Variants in NCKAP1 observed in about 807,000 individuals in gnomAD.
NCKAP1 encodes nck-associated protein 1.
A neutral mutation model predicts 151.2 loss-of-function variants in NCKAP1; 21 were observed. The observed-to-expected ratio is 0.14, with a 90% CI of 0.10 to 0.20. The LOEUF (loss-of-function observed/expected upper bound fraction) is 0.20, where lower values mean the gene tolerates loss of function less well. Among genes scored for constraint, NCKAP1 ranks in the 10% least tolerant of loss-of-function variants. The pLI, the probability that NCKAP1 is intolerant of heterozygous loss-of-function variation, is 1.00. For synonymous variants in NCKAP1, 484 were observed against 451.8 expected (o/e 1.07, Z -0.90); for missense variants, 933 against 1,352.1 (o/e 0.69, Z 4.86).
rs1489816575 is a variant in NCKAP1, at chr2:183,026,728, T to C, written c.109-2812A>G. Among the ~76,000 whole-genome samples, 7 of 152,296 alleles carry C rather than the reference T, an allele frequency of 4.6e-5. No homozygotes were observed. In the South Asian group the frequency reaches 1.2e-3, roughly 27 times the overall value. ...CAAAATATCTCCTAACCTATGTTTCTTCGTCTGTAAAATGGGGAAATTAGT... is the reference window on the plus strand; with the variant it reads ...CAAAATATCTCCTAACCTATGTTTCCTCGTCTGTAAAATGGGGAAATTAGT... On this transcript the variant is annotated intron_variant, in intron 1 of 30. Coordinates refer to ENST00000361354, the MANE Select transcript of NCKAP1 (RefSeq NM_013436.5).
intron 10 of NCKAP1, among the ~76,000 whole-genome samples, chr2:182,985,121 A>C (rs1698025481): frequency 3.3e-5 from 5 of 152,212 alleles, no homozygotes; most frequent in Admixed American, 2.6e-4. Flanking sequence ...CAAGTAAATA[A>C]AATATGCATG....
chr2:183,035,209 C>T lies in NCKAP1; in HGVS notation c.108+2783G>A, dbSNP rs191419655. 7.8e-4 allele frequency among the ~76,000 whole-genome samples: 119 copies of T among 152,050 alleles called. 1 individual carries two copies. Among genetic ancestry groups the T allele is most frequent in the African/African-American group, 2.7e-3 (112 of 41,496 alleles). ...CGCTTTTATGTGTTCCTACATCCTC[C>T]GTCAAACTACAAGTTCCCTAAAATT... On this transcript the variant is annotated intron_variant, in intron 1 of 30. Transcript: ENST00000361354.
chr2:182,986,799 C>A (rs897525882), intron 9 of NCKAP1, among the ~76,000 whole-genome samples: 1 of 151,618 alleles, frequency 6.6e-6, no homozygotes, highest in Admixed American at 6.6e-5. Flanking sequence ...ACTTATTTTT[C>A]AAATAAAAAA....
intron 1 of NCKAP1, among the ~76,000 whole-genome samples, chr2:183,025,729 T>C (rs1057346948): frequency 6.6e-6 from 1 of 152,150 alleles, no homozygotes; most frequent in African/African-American, 2.4e-5. Context: ...CCAAATATAA[T>C]AGCTAAGAAT....
chr2:182,991,075 T>C (rs1362909514), intron 8 of NCKAP1, among the ~76,000 whole-genome samples: 2 of 152,206 alleles, frequency 1.3e-5, no homozygotes, highest in Non-Finnish European at 2.9e-5. Flanking sequence ...TCAAGTGAAA[T>C]CAGATTTCAC....
chr2:182,953,167 G>A lies in NCKAP1; in HGVS notation c.2318C>T (p.Thr773Ile). The change falls in exon 21 of 31, where the codon ACA (threonine) becomes ATA (isoleucine). Residue 773 changes from threonine (T) to isoleucine (I), a missense_variant. Thr to Ile is a moderately conservative substitution (Grantham distance 89). Around this residue, in one of 2 missense-constraint regions of NCKAP1, gnomAD observed 326 missense variants for 557.1 expected, o/e 0.59. Transcript: ENST00000361354. ...CTCTCCATGACTGTCTAAATGTTGT[G>A]TTTGTTGAAGAAGCACATTATTAAA... ...RVFNNVLLQQ[T>I]QHLDSHGEPT... is the part of the protein sequence containing the mutation. 6.2e-7 allele frequency: 1 copy of A among 1,613,426 alleles called. No homozygotes were observed. Among genetic ancestry groups the A allele is most frequent in the Non-Finnish European group, 8.5e-7 (1 of 1,179,520 alleles).
intron 2 of NCKAP1, among the ~76,000 whole-genome samples, chr2:183,014,477 A>C (rs2105886747): frequency 6.6e-6 from 1 of 152,342 alleles, no homozygotes; most frequent in East Asian, 1.9e-4. Flanking sequence ...CTTTAAAAAA[A>C]TAAAGCAAGC....
chr2:182,985,826 T>C (rs1698045617), intron 10 of NCKAP1, among the ~76,000 whole-genome samples: 1 of 151,196 alleles, frequency 6.6e-6, no homozygotes, highest in African/African-American at 2.4e-5. Context: ...AAAGTAAATA[T>C]TATCTGTAAG....
At position 182,952,865 on chromosome 2, in the gene NCKAP1, T is replaced by C. The variant is rs780243805; in HGVS notation, c.2431A>G (p.Met811Val). ...SNGHIAYFPAMKAFVNLPTEN... is the reference protein window; with the variant it reads ...SNGHIAYFPAVKAFVNLPTEN... ...GTAGGTAAGTTCACAAACGCTTTCA[T>C]TGCAGGAAAATATGCTATATGGCCA... is the stretch of plus-strand genomic sequence containing the variant. The change falls in exon 22 of 31, where the codon ATG becomes GTG. Residue 811 changes from methionine to valine, a missense_variant. Met to Val is a conservative substitution (Grantham distance 21). Coordinates refer to ENST00000361354, the MANE Select transcript of NCKAP1 (RefSeq NM_013436.5). 1.6e-5 allele frequency: 26 copies of C among 1,612,276 alleles called. No individual in the cohort carries two copies. Among genetic ancestry groups the C allele is most frequent in the Admixed American group, 5.0e-5 (3 of 59,812 alleles).
intron 26 of NCKAP1, chr2:182,934,414 T>C (rs1245969053): frequency 6.4e-6 from 1 of 156,672 alleles, no homozygotes; most frequent in Non-Finnish European, 1.4e-5. Flanking sequence ...CCCAAAGTGC[T>C]GGGATTACAG....
At chr2:182,992,393 CT>C (rs1698186795) in intron 8 of NCKAP1, among the ~76,000 whole-genome samples, 1 of 152,200 alleles carries the variant, frequency 6.6e-6, no homozygotes, top group Admixed American at 6.6e-5. Context: ...AGCCTGCTTC[CT>C]GATCGACTTA....
chr2:182,991,297 C>T (rs1028047418), intron 8 of NCKAP1, among the ~76,000 whole-genome samples: 7 of 152,150 alleles, frequency 4.6e-5, no homozygotes, highest in Non-Finnish European at 8.8e-5. Context: ...ATGGCTCACA[C>T]CTGTAATCCC....
chr2:182,958,192 G>T (rs1697364040), intron 18 of NCKAP1, among the ~76,000 whole-genome samples: 1 of 152,142 alleles, frequency 6.6e-6, no homozygotes, highest in African/African-American at 2.4e-5. Context: ...TTGTTGCCCA[G>T]GCTGGAATGC....
At chr2:182,963,237 T>C (rs1056858726) in intron 17 of NCKAP1, among the ~76,000 whole-genome samples, 4 of 152,106 alleles carry the variant, frequency 2.6e-5, no homozygotes, top group African/African-American at 9.7e-5. Context: ...TTGGTTCACC[T>C]TAGGAAAGAT....
At chr2:182,997,810 C>T (rs1345961997) in intron 6 of NCKAP1, among the ~76,000 whole-genome samples, 1 of 152,066 alleles carries the variant, frequency 6.6e-6, no homozygotes, top group African/African-American at 2.4e-5. Flanking sequence ...GGGGGAGGGG[C>T]TCCTCATCAT....
chr2:182,990,830 A>C (rs1356684657), intron 8 of NCKAP1, among the ~76,000 whole-genome samples: 2 of 152,218 alleles, frequency 1.3e-5, no homozygotes, highest in African/African-American at 4.8e-5. Flanking sequence ...CTAGAGAAGC[A>C]AGCTAACTCT....
intron 8 of NCKAP1, 115 bp downstream of exon 8, chr2:182,994,724 G>A (rs1305731317): frequency 5.1e-6 from 4 of 776,796 alleles, no homozygotes; most frequent in Admixed American, 4.7e-5. Flanking sequence ...AGAGGTAATG[G>A]ACATAGATGG....
intron 2 of NCKAP1, among the ~76,000 whole-genome samples, chr2:183,019,785 C>A (rs1250417684): frequency 6.6e-6 from 1 of 152,198 alleles, no homozygotes; most frequent in Non-Finnish European, 1.5e-5. Context: ...AAGCATGAGG[C>A]ATTTAGTTCA....
intron 8 of NCKAP1, among the ~76,000 whole-genome samples, chr2:182,992,481 C>T (rs911154766): frequency 2.0e-5 from 3 of 152,172 alleles, no homozygotes; most frequent in Non-Finnish European, 4.4e-5. Flanking sequence ...ATCCAGAAGT[C>T]ACTAATGACA....
Sources: allele counts gnomAD v4.1 joint callset (sites outside exome capture counted in the v4.1 genomes callset), GRCh38; gene constraint gnomAD v4.1.1; regional missense constraint gnomAD v4.1.1; transcripts MANE v1.5; gene names NCBI Gene and HGNC (gene_info 2026-07-23, HGNC 2026-07-21).